Variants in NOCT observed in about 807,000 individuals in gnomAD.
NOCT encodes nocturnin.
NOCT carries 18 observed loss-of-function variants against 35.0 expected under a neutral mutation model. The ratio of observed to expected loss-of-function variants is 0.51; its 90% CI spans 0.36 to 0.76. The LOEUF is 0.76. Among genes scored for constraint, NOCT ranks in the 30% least tolerant of loss-of-function variants. The pLI, the probability that NOCT is intolerant of heterozygous loss-of-function variation, is 0.01. For synonymous variants in NOCT, 235 were observed against 226.3 expected (o/e 1.04, Z -0.34); for missense variants, 479 against 541.0 (o/e 0.89, Z 1.14).
In NOCT at chr4:139,045,206, AC is replaced by A. The variant is rs768951060; in HGVS notation, c.1030del (p.Leu344Ter). 5 of 1,614,056 alleles carry A rather than the reference AC, an allele frequency of 3.1e-6. No individual in the cohort carries two copies. The highest frequency in any genetic ancestry group is 4.2e-6 in the Non-Finnish European group (5 of 1,180,040). On this transcript the variant is annotated frameshift_variant, in exon 3 of 3. Coordinates refer to ENST00000280614, the MANE Select transcript of NOCT (RefSeq NM_012118.4). LOFTEE classifies it high-confidence loss of function. ...AAACACTTTGCTTCCTCCAGCCTCA[AC>A]CTGAACAGCGCCTACAAGCTGCTGA... ...VYKHFASSSL[N>X]LNSAYKLLSA...
intron 1 of NOCT, among the ~76,000 whole-genome samples, chr4:139,020,800 T>A (rs1441424417): frequency 6.6e-6 from 1 of 152,080 alleles, no homozygotes; most frequent in Non-Finnish European, 1.5e-5. Flanking sequence ...GCACAGTGGT[T>A]CACGCCTGTA....
At chr4:139,039,291 T>A (rs998070746) in intron 1 of NOCT, among the ~76,000 whole-genome samples, 4 of 152,072 alleles carry the variant, frequency 2.6e-5, no homozygotes, top group African/African-American at 4.8e-5. Context: ...ATCCTTGGCT[T>A]ACACTTTATG....
At chr4:139,031,397 T>G (rs1186102193) in intron 1 of NOCT, among the ~76,000 whole-genome samples, 1 of 151,918 alleles carries the variant, frequency 6.6e-6, no homozygotes, top group Non-Finnish European at 1.5e-5. Context: ...GATCCACCTG[T>G]CTTGGCCTCC....
At chr4:139,043,567 G>T (rs1726877842) in intron 2 of NOCT, 1 of 511,458 alleles carries the variant, frequency 2.0e-6, no homozygotes, top group Non-Finnish European at 3.5e-6. Flanking sequence ...ATTGTTCTTG[G>T]ATAGTCTACA....
intron 1 of NOCT, among the ~76,000 whole-genome samples, chr4:139,019,570 TGTG>T (rs1248732306): frequency 2.0e-5 from 3 of 152,220 alleles, no homozygotes; most frequent in Admixed American, 6.5e-5. Flanking sequence ...TCCTGAGCCT[TGTG>T]GTGGGGAGTA....
intron 1 of NOCT, among the ~76,000 whole-genome samples, chr4:139,036,069 AC>A (rs1218926504): frequency 6.6e-6 from 1 of 151,926 alleles, no homozygotes; most frequent in African/African-American, 2.4e-5. Flanking sequence ...TCTCCAAAGC[AC>A]TTTTCCATAT....
rs1726924570 is a variant in NOCT, at chr4:139,045,588, CTCA to C, written c.*115_*117del. 1 of 597,072 alleles carries C rather than the reference CTCA, an allele frequency of 1.7e-6. No individual in the cohort carries two copies. Among genetic ancestry groups the C allele is most frequent in the Non-Finnish European group, 2.7e-6 (1 of 367,798 alleles). 37.0% of individuals were successfully genotyped at this position (597,072 alleles called of 1,614,324 possible). A position where few individuals can be genotyped will look rare whatever the true frequency, so the allele number is the denominator to read the frequency against. ...CTGGAGTACAGTGGCCTGATCTCGGCTCACTGCAAGATCCGCCTCCCGGGTTCA... is the reference window on the plus strand; with the variant it reads ...CTGGAGTACAGTGGCCTGATCTCGGCCTGCAAGATCCGCCTCCCGGGTTCA... On this transcript the variant is annotated 3_prime_UTR_variant, in exon 3 of 3. Transcript: ENST00000280614.
chr4:139,045,507 C>CTTTTT lies in NOCT; in HGVS notation c.*34_*35insTTTTT, dbSNP rs761959376. ...CTTTTGTCTTTTTAATCACAGGAGT[C>CTTTTT]TATTTTTTTTTTTTTTTTTTTTTTT... On this transcript the variant is annotated 3_prime_UTR_variant, in exon 3 of 3. Transcript: ENST00000280614. 3.3e-4 allele frequency: 135 copies of CTTTTT among 411,080 alleles called. No homozygotes were observed. The highest frequency in any genetic ancestry group is 9.9e-4 in the South Asian group (24 of 24,140). The allele number at this position is 411,080 out of a possible 1,614,324, so 25.5% of individuals were successfully genotyped here. A position where few individuals can be genotyped will look rare whatever the true frequency, so the allele number is the denominator to read the frequency against.
At chr4:139,019,062 AT>A (rs1302431968) in intron 1 of NOCT, among the ~76,000 whole-genome samples, 2 of 151,764 alleles carry the variant, frequency 1.3e-5, no homozygotes, top group Non-Finnish European at 2.9e-5. Flanking sequence ...TTTTATTTTT[AT>A]TTTTTTTGAG....
chr4:139,032,246 A>G (rs1211520641), intron 1 of NOCT, among the ~76,000 whole-genome samples: 6 of 51,124 alleles, frequency 1.2e-4, no homozygotes, highest in Admixed American at 5.5e-4. Context: ...GTGCTTATAG[A>G]ATTAGTCAGT....
intron 1 of NOCT, among the ~76,000 whole-genome samples, chr4:139,017,310 C>G (rs1373872535): frequency 6.7e-6 from 1 of 149,578 alleles, no homozygotes; most frequent in Non-Finnish European, 1.5e-5. Context: ...TCACCGCAAC[C>G]TCTGCCTCCC....
In NOCT at chr4:139,042,071, CTTTTTTTTTT is replaced by C. The variant is rs368776726; in HGVS notation, c.191-992_191-983del. Among the ~76,000 whole-genome samples, 7 of 108,740 alleles carry C rather than the reference CTTTTTTTTTT, an allele frequency of 6.4e-5. No individual in the cohort carries two copies. The East Asian group carries it at 8.9e-4, about 14-fold the overall frequency. 71.3% of individuals were successfully genotyped at this position (108,740 alleles called of 152,430 possible). On this transcript the variant is annotated intron_variant, in intron 1 of 2. Transcript: ENST00000280614. ...CTTTTTACAAACTAGTCTTTAAGAT[CTTTTTTTTTT>C]TTTTTTTTTTGAGTCTCGCTGTGTC...
intron 1 of NOCT, among the ~76,000 whole-genome samples, chr4:139,042,083 T>TTC (rs1726842926): frequency 6.7e-6 from 1 of 148,568 alleles, no homozygotes; most frequent in African/African-American, 2.5e-5. Context: ...TTTTTTTTTT[T>TTC]TTTTTTTTGA....
At chr4:139,025,525 A>G (rs1726496582) in intron 1 of NOCT, among the ~76,000 whole-genome samples, 1 of 152,194 alleles carries the variant, frequency 6.6e-6, no homozygotes, top group South Asian at 2.1e-4. Flanking sequence ...AAAAATTTTA[A>G]AGAGGCCAGG....
chr4:139,028,545 G>GC (rs1560731042), intron 1 of NOCT, among the ~76,000 whole-genome samples: 1 of 152,248 alleles, frequency 6.6e-6, no homozygotes, highest in South Asian at 2.1e-4. Flanking sequence ...TGGAGGAGGT[G>GC]CAACTCGACC....
intron 1 of NOCT, among the ~76,000 whole-genome samples, chr4:139,032,637 C>CA (rs1291495343): frequency 6.6e-6 from 1 of 152,118 alleles, no homozygotes; most frequent in Non-Finnish European, 1.5e-5. Flanking sequence ...ATTTGAGTGC[C>CA]AAATAGAGTT....
chr4:139,030,980 T>C (rs1004598588), intron 1 of NOCT, among the ~76,000 whole-genome samples: 3 of 152,146 alleles, frequency 2.0e-5, no homozygotes, highest in Non-Finnish European at 4.4e-5. Flanking sequence ...TTGCTTGGTT[T>C]TTAATCAGCG....
intron 1 of NOCT, among the ~76,000 whole-genome samples, chr4:139,041,264 G>A (rs547688439): frequency 1.2e-4 from 18 of 152,172 alleles, no homozygotes; most frequent in Non-Finnish European, 2.2e-4. Flanking sequence ...AATTTCCTTT[G>A]TAACCTGCCA....
At chr4:139,033,678 C>CA (rs761210940) in intron 1 of NOCT, among the ~76,000 whole-genome samples, 124 of 129,278 alleles carry the variant, frequency 9.6e-4, no homozygotes, top group Middle Eastern at 3.9e-3. Context: ...ACCCTGTCTC[C>CA]AAAAAAAAAA....
Sources: allele counts gnomAD v4.1 joint callset (sites outside exome capture counted in the v4.1 genomes callset), GRCh38; gene constraint gnomAD v4.1.1; transcripts MANE v1.5; gene names NCBI Gene and HGNC (gene_info 2026-07-23, HGNC 2026-07-21).